Variants in SLC14A2 observed in about 807,000 individuals in gnomAD.
SLC14A2 encodes urea transporter 2.
In SLC14A2, 91 loss-of-function variants were observed where a neutral mutation model predicts 104.6. The observed-to-expected ratio is 0.87, with a 90% CI of 0.73 to 1.04. The LOEUF (loss-of-function observed/expected upper bound fraction) is 1.04, where lower values mean the gene tolerates loss of function less well. SLC14A2 is among the 50% of genes least tolerant of loss of function. SLC14A2 has a pLI of 0.00. For synonymous variants in SLC14A2, 476 were observed against 466.4 expected (o/e 1.02, Z -0.27); for missense variants, 1,189 against 1,156.0 (o/e 1.03, Z -0.41).
At chr18:45,214,601 AT>A (rs1236825725) in intron 1 of SLC14A2, among the ~76,000 whole-genome samples, 1 of 152,180 alleles carries the variant, frequency 6.6e-6, no homozygotes, top group Non-Finnish European at 1.5e-5. Context: ...TTTATGTAGC[AT>A]AATCCATCAC....
the SLC14A2 span, among the ~76,000 whole-genome samples, chr18:45,201,327 G>A: frequency 6.6e-6 from 1 of 152,112 alleles, no homozygotes; most frequent in Non-Finnish European, 1.5e-5. Context: ...CTATCTTCTT[G>A]AGGGCTGAGT....
intron 2 of SLC14A2, among the ~76,000 whole-genome samples, chr18:45,540,491 C>T (rs1441826354): frequency 3.9e-5 from 6 of 152,054 alleles, no homozygotes; most frequent in Non-Finnish European, 7.3e-5. Flanking sequence ...ACCTGTAATC[C>T]CAGCACTTTG....
At chr18:45,606,345 GA>G (rs1410199337) in intron 2 of SLC14A2, among the ~76,000 whole-genome samples, 1 of 152,126 alleles carries the variant, frequency 6.6e-6, no homozygotes, top group Admixed American at 6.5e-5. Context: ...ATTTTAAGCA[GA>G]AAAAGATTTA....
At chr18:45,439,790 AC>A (rs2086654012) in intron 1 of SLC14A2, among the ~76,000 whole-genome samples, 1 of 152,160 alleles carries the variant, frequency 6.6e-6, no homozygotes, top group Admixed American at 6.5e-5. Context: ...GTTTGCAAGA[AC>A]CCAACAGAGA....
Position 45,644,041 on chromosome 18 carries a change from T to C in SLC14A2, c.1232T>C (p.Leu411Pro). The C allele has an allele frequency of 6.2e-7, 1 of 1,614,134 alleles. No individual in the cohort carries two copies. Among genetic ancestry groups the C allele is most frequent in the Non-Finnish European group, 8.5e-7 (1 of 1,180,022 alleles). The change falls in exon 10 of 20, where the codon CTC becomes CCC. Residue 411 changes from leucine (L) to proline (P), a missense_variant. Leu to Pro is a moderately conservative substitution (Grantham distance 98). Transcript: ENST00000255226. ...AFCLATIIFL[L>P]LTTNNPAIFR... ...TGCCTTGCCACCATCATCTTCCTGC[T>C]CCTGACGACAAACAACCCAGCCATC...
chr18:45,498,418 AGACG>A (rs1213181623), intron 2 of SLC14A2, among the ~76,000 whole-genome samples: 1 of 152,258 alleles, frequency 6.6e-6, no homozygotes, highest in Non-Finnish European at 1.5e-5. Context: ...AGAAGCTGCC[AGACG>A]CCCAGAGCCA....
chr18:45,181,582 A>G, the SLC14A2 span, among the ~76,000 whole-genome samples: 3 of 152,202 alleles, frequency 2.0e-5, no homozygotes, highest in Non-Finnish European at 4.4e-5. Flanking sequence ...TAAAATTCCC[A>G]GATACATATG....
chr18:45,219,546 A>G (rs2143988534), intron 1 of SLC14A2, among the ~76,000 whole-genome samples: 1 of 152,336 alleles, frequency 6.6e-6, no homozygotes, highest in Non-Finnish European at 1.5e-5. Flanking sequence ...TAAAATATTC[A>G]GTGGGGGCTA....
chr18:45,627,198 G>C (rs560964060), intron 4 of SLC14A2, 51 bp downstream of exon 4: 3 of 1,528,862 alleles, frequency 2.0e-6, no homozygotes, highest in East Asian at 2.3e-5. Flanking sequence ...ACAGAAAGTA[G>C]AGAGGTGTTT....
chr18:45,205,171 C>A, the SLC14A2 span, among the ~76,000 whole-genome samples: 2 of 152,318 alleles, frequency 1.3e-5, no homozygotes, highest in East Asian at 3.9e-4. Flanking sequence ...GGGCCCAGAC[C>A]TTCCCCTAGC....
At chr18:45,563,188 G>A (rs2044224442) in intron 2 of SLC14A2, among the ~76,000 whole-genome samples, 1 of 152,198 alleles carries the variant, frequency 6.6e-6, no homozygotes, top group Admixed American at 6.5e-5. Flanking sequence ...CTCTAAAGAT[G>A]TGTGAGGTCT....
the SLC14A2 span, among the ~76,000 whole-genome samples, chr18:45,189,199 A>G: frequency 1.3e-5 from 2 of 152,206 alleles, no homozygotes; most frequent in African/African-American, 2.4e-5. Flanking sequence ...ATGCTCAAAG[A>G]TTACATGCTT....
At chr18:45,196,537 G>A in the SLC14A2 span, among the ~76,000 whole-genome samples, 29 of 152,312 alleles carry the variant, frequency 1.9e-4, no homozygotes, top group Non-Finnish European at 2.9e-4. Context: ...TCTGCTTTGA[G>A]CTTGCCAACC....
At chr18:45,620,762 AC>A (rs1180514165) in intron 1 of SLC14A2, among the ~76,000 whole-genome samples, 4 of 152,202 alleles carry the variant, frequency 2.6e-5, no homozygotes, top group Non-Finnish European at 4.4e-5. Flanking sequence ...ACTTAAAAGA[AC>A]ACTATATTTC....
chr18:45,514,520 T>A (rs541135898), intron 2 of SLC14A2, among the ~76,000 whole-genome samples: 1 of 152,236 alleles, frequency 6.6e-6, no homozygotes, highest in East Asian at 1.9e-4. Flanking sequence ...AGCTAGAAAA[T>A]CACTTAAAAC....
chr18:45,185,863 T>C, the SLC14A2 span, among the ~76,000 whole-genome samples: 5 of 152,276 alleles, frequency 3.3e-5, no homozygotes, highest in South Asian at 1.0e-3. Context: ...TAAACTAAAT[T>C]TTTTTAAATT....
chr18:45,665,981 C>G (rs1252982627), intron 11 of SLC14A2, among the ~76,000 whole-genome samples, 156 bp from the exon 12 acceptor site: 1 of 152,046 alleles, frequency 6.6e-6, no homozygotes, highest in Non-Finnish European at 1.5e-5. Flanking sequence ...AACAAAAGAG[C>G]CTTCGAGCTG....
chr18:45,261,202 G>A (rs927581096), intron 1 of SLC14A2, among the ~76,000 whole-genome samples: 28 of 146,684 alleles, frequency 1.9e-4, no homozygotes, highest in East Asian at 1.4e-3. Context: ...TGTGATGTTC[G>A]CCTTCCTGTG....
At chr18:45,596,891 C>G (rs1349729682) in intron 2 of SLC14A2, among the ~76,000 whole-genome samples, 4 of 152,204 alleles carry the variant, frequency 2.6e-5, no homozygotes, top group Non-Finnish European at 5.9e-5. Flanking sequence ...CTCTGCACTC[C>G]TCACCACTCA....
Sources: gnomAD v4.1 joint callset for allele counts (sites outside exome capture counted in the v4.1 genomes callset) on GRCh38, gnomAD v4.1.1 for gene constraint, MANE v1.5 for transcripts, NCBI Gene and HGNC (gene_info 2026-07-23, HGNC 2026-07-21) for gene names.